WWOX: variants seen among roughly 807,000 people sequenced by gnomAD.
WWOX encodes the protein WW domain-containing oxidoreductase.
A neutral mutation model predicts 46.2 loss-of-function variants in WWOX; 69 were observed. The observed-to-expected ratio is 1.49, with a 90% CI of 1.23 to 1.82. The LOEUF (loss-of-function observed/expected upper bound fraction) is 1.82. WWOX is among the 40% of genes most tolerant of loss of function. WWOX has a pLI of 0.00. For missense variants in WWOX, 919 were observed against 542.6 expected (o/e 1.69, Z -6.89); for synonymous variants, 359 against 202.6 (o/e 1.77, Z -6.56).
chr16:78,533,379 T>C (rs991228364), intron 8 of WWOX, among the ~76,000 whole-genome samples: 3 of 151,628 alleles, frequency 2.0e-5, no homozygotes, highest in African/African-American at 7.3e-5. Context: ...GAATTGTCTT[T>C]GGCTGCACAT....
chr16:78,179,218 C>T (rs1040377762), intron 5 of WWOX, among the ~76,000 whole-genome samples: 6 of 152,184 alleles, frequency 3.9e-5, no homozygotes, highest in African/African-American at 1.4e-4. Context: ...TTAGCCTTTG[C>T]TTTGCAGGGA....
At chr16:79,193,795 G>A (rs886182813) in intron 8 of WWOX, among the ~76,000 whole-genome samples, 1 of 152,160 alleles carries the variant, frequency 6.6e-6, no homozygotes, top group Non-Finnish European at 1.5e-5. Flanking sequence ...GGGGGTGGCA[G>A]CTGGGGAGAA....
Position 78,594,429 on chromosome 16 carries a change from G to GCCCCCC in WWOX, c.1056+161688_1056+161693dup, listed in dbSNP as rs138806967. 8.4e-3 allele frequency among the ~76,000 whole-genome samples: 273 copies of GCCCCCC among 32,394 alleles called. 6 individuals carry two copies. Among genetic ancestry groups the GCCCCCC allele is most frequent in the African/African-American group, 0.013 (93 of 7,370 alleles). 21.3% of individuals were successfully genotyped at this position (32,394 alleles called of 152,430 possible). ...TCTTGACGAAGAAGACTGAGGAAAG[G>GCCCCCC]CCCCCCCCCCCCCCCCGCCAAATTG... On this transcript the variant is annotated intron_variant, in intron 8 of 8. Coordinates refer to ENST00000566780, the MANE Select transcript of WWOX (RefSeq NM_016373.4).
At chr16:78,540,157 C>G (rs879928709) in intron 8 of WWOX, among the ~76,000 whole-genome samples, 1 of 150,584 alleles carries the variant, frequency 6.6e-6, no homozygotes, top group South Asian at 2.1e-4. Flanking sequence ...GTGATATATT[C>G]ATATATTTAG....
intron 8 of WWOX, among the ~76,000 whole-genome samples, chr16:79,200,791 T>C (rs923987909): frequency 1.3e-5 from 2 of 152,192 alleles, no homozygotes; most frequent in African/African-American, 2.4e-5. Flanking sequence ...GTGCTGATAT[T>C]GTACCTGGGC....
chr16:78,640,636 A>C (rs1050584251), intron 8 of WWOX, among the ~76,000 whole-genome samples: 1 of 152,022 alleles, frequency 6.6e-6, no homozygotes, highest in Non-Finnish European at 1.5e-5. Flanking sequence ...TGGAACTTAA[A>C]AGTTGGTGAA....
chr16:78,515,907 G>C (rs1161742718), intron 8 of WWOX, among the ~76,000 whole-genome samples: 1 of 152,138 alleles, frequency 6.6e-6, no homozygotes, highest in African/African-American at 2.4e-5. Context: ...TGGCCCATGT[G>C]AAATTTTGTT....
At chr16:78,485,648 C>A (rs975208223) in intron 8 of WWOX, among the ~76,000 whole-genome samples, 1 of 152,182 alleles carries the variant, frequency 6.6e-6, no homozygotes, top group African/African-American at 2.4e-5. Context: ...CTGCCCGCCG[C>A]GTGAAGGACA....
chr16:79,164,354 C>T (rs2050549331), intron 8 of WWOX, among the ~76,000 whole-genome samples: 1 of 152,126 alleles, frequency 6.6e-6, no homozygotes, highest in South Asian at 2.1e-4. Context: ...TTTTAGATTG[C>T]CACTTCCACA....
chr16:78,539,875 C>T (rs780880936), intron 8 of WWOX, among the ~76,000 whole-genome samples: 1 of 152,124 alleles, frequency 6.6e-6, no homozygotes, highest in Non-Finnish European at 1.5e-5. Context: ...GAAATTTACT[C>T]TCTCTTCATA....
At chr16:78,175,014 T>TAATAGTAATAAC (rs1460269497) in intron 5 of WWOX, among the ~76,000 whole-genome samples, 1 of 145,928 alleles carries the variant, frequency 6.9e-6, no homozygotes, top group Non-Finnish European at 1.5e-5. Context: ...ATAATAATAA[T>TAATAGTAATAAC]AATAATAATA....
intron 8 of WWOX, among the ~76,000 whole-genome samples, chr16:78,732,915 G>A (rs1444262801): frequency 6.6e-6 from 1 of 152,176 alleles, no homozygotes; most frequent in Non-Finnish European, 1.5e-5. Flanking sequence ...CAAGAGTAAA[G>A]AAGTGGCATT....
chr16:79,195,370 C>T (rs187951176), intron 8 of WWOX, among the ~76,000 whole-genome samples: 1 of 152,170 alleles, frequency 6.6e-6, no homozygotes. Flanking sequence ...GATTATTCTT[C>T]AGAGATGCAA....
At chr16:78,560,145 T>A (rs1209947843) in intron 8 of WWOX, among the ~76,000 whole-genome samples, 1 of 152,208 alleles carries the variant, frequency 6.6e-6, no homozygotes, top group African/African-American at 2.4e-5. Flanking sequence ...ACAAAAAATA[T>A]GCATAGTAGG....
In WWOX at chr16:78,485,924, C is replaced by T. The variant is rs184267320; in HGVS notation, c.1056+53172C>T. 5.1e-3 allele frequency among the ~76,000 whole-genome samples: 772 copies of T among 152,288 alleles called. 2 individuals are homozygous for T. The highest frequency in any genetic ancestry group is 7.8e-3 in the Non-Finnish European group (528 of 68,034). On this transcript the variant is annotated intron_variant, in intron 8 of 8. Coordinates refer to ENST00000566780, the MANE Select transcript of WWOX (RefSeq NM_016373.4). ...GCAAGCCAGGAAGCTTCCATGGATA[C>T]GTTATTTATGGTGTTTAATTATTAT...
intron 8 of WWOX, among the ~76,000 whole-genome samples, chr16:78,735,108 C>G (rs138653288): frequency 2.0e-5 from 3 of 151,580 alleles, no homozygotes; most frequent in Non-Finnish European, 2.9e-5. Context: ...CTCAGATGAT[C>G]CACCTGCCTT....
intron 8 of WWOX, among the ~76,000 whole-genome samples, chr16:78,581,489 C>T (rs528425689): frequency 2.0e-5 from 3 of 152,094 alleles, no homozygotes; most frequent in African/African-American, 7.2e-5. Flanking sequence ...ATAGTTTAAC[C>T]CTTTGAAGTT....
intron 8 of WWOX, among the ~76,000 whole-genome samples, chr16:78,965,260 A>G (rs1176109531): frequency 6.6e-6 from 1 of 152,198 alleles, no homozygotes; most frequent in Non-Finnish European, 1.5e-5. Context: ...ATGGTTGAAC[A>G]AGATGTTTAA....
At chr16:78,349,392 A>G (rs1430830451) in intron 5 of WWOX, among the ~76,000 whole-genome samples, 1 of 120,942 alleles carries the variant, frequency 8.3e-6, no homozygotes, top group Non-Finnish European at 2.0e-5. Context: ...CCAGCTAACA[A>G]CAGTTGGGGA....
Sources: gnomAD v4.1 joint callset for allele counts (sites outside exome capture counted in the v4.1 genomes callset) on GRCh38, gnomAD v4.1.1 for gene constraint, MANE v1.5 for transcripts, NCBI Gene and HGNC (gene_info 2026-07-23, HGNC 2026-07-21) for gene names.